RIN3: variants seen among roughly 807,000 people sequenced by gnomAD.
The protein encoded by RIN3 is RAB5 interacting protein 3.
In RIN3, 54 loss-of-function variants were observed where a neutral mutation model predicts 76.3. The observed-to-expected ratio is 0.71, with a 90% confidence interval of 0.57 to 0.89. The LOEUF is 0.89. Ranked by LOEUF, RIN3 falls within the 40% of genes least tolerant of loss-of-function variation. The probability of loss-of-function intolerance (pLI) is 0.00; values close to 1 mark genes in which losing one functional copy is unlikely to be tolerated. For synonymous variants in RIN3, 576 were observed against 564.0 expected (o/e 1.02, Z -0.30); for missense variants, 1,256 against 1,322.1 (o/e 0.95, Z 0.78).
At chr14:92,615,678 G>GC in intron 4 of RIN3, 199 bp downstream of exon 4, 1 of 579,708 alleles carries the variant, frequency 1.7e-6, no homozygotes, top group Non-Finnish European at 3.1e-6. Flanking sequence ...TCTGATAAGA[G>GC]CCCCTCCCTT....
intron 1 of RIN3, among the ~76,000 whole-genome samples, chr14:92,524,893 T>C (rs1896688452): frequency 6.6e-6 from 1 of 152,238 alleles, no homozygotes; most frequent in Non-Finnish European, 1.5e-5. Context: ...CACATCTGCC[T>C]TCACTAGCTG....
chr14:92,667,114 G>A (rs1888133015), intron 7 of RIN3, among the ~76,000 whole-genome samples: 1 of 152,222 alleles, frequency 6.6e-6, no homozygotes, highest in Admixed American at 6.5e-5. Context: ...GGGGGCTCTT[G>A]ATGGGGACCC....
intron 7 of RIN3, among the ~76,000 whole-genome samples, chr14:92,675,956 A>G (rs1294933806): frequency 6.6e-6 from 1 of 152,160 alleles, no homozygotes; most frequent in African/African-American, 2.4e-5. Flanking sequence ...TTACGTTTTA[A>G]AAGAAGGCCT....
At chr14:92,580,396 AT>A (rs1209521135) in intron 3 of RIN3, among the ~76,000 whole-genome samples, 1 of 152,206 alleles carries the variant, frequency 6.6e-6, no homozygotes, top group Non-Finnish European at 1.5e-5. Context: ...CAACCCACAC[AT>A]TCATGTGTTC....
At chr14:92,536,610 T>C (rs948187492) in intron 1 of RIN3, among the ~76,000 whole-genome samples, 2 of 151,876 alleles carry the variant, frequency 1.3e-5, no homozygotes, top group African/African-American at 4.8e-5. Flanking sequence ...GGCATGGTGG[T>C]GGGCGCCTGT....
intron 3 of RIN3, among the ~76,000 whole-genome samples, chr14:92,609,071 G>A (rs768676934): frequency 1.5e-4 from 23 of 151,984 alleles, no homozygotes; most frequent in Non-Finnish European, 2.4e-4. Context: ...CCCAAAGTCC[G>A]TTCTATCACT....
In RIN3 at chr14:92,556,053, A is replaced by G. The variant is rs1229101039; in HGVS notation, c.249+98A>G. On this transcript the variant is annotated intron_variant, in intron 2 of 9. Coordinates refer to ENST00000216487, the MANE Select transcript of RIN3 (RefSeq NM_024832.5). ...TGGCTCCCACAGGGAAGCAGCTACC[A>G]TGCAGATGACTGCATGTTTATTTCC... 2.5e-5 allele frequency: 24 copies of G among 969,916 alleles called. No homozygotes were observed. The South Asian group carries it at 3.2e-4, about 13-fold the overall frequency. The allele number at this position is 969,916 out of a possible 1,614,324, so 60.1% of individuals were successfully genotyped here. A position where few individuals can be genotyped will look rare whatever the true frequency, so the allele number is the denominator to read the frequency against.
chr14:92,523,692 A>G (rs142554785), intron 1 of RIN3, among the ~76,000 whole-genome samples: 1 of 152,312 alleles, frequency 6.6e-6, no homozygotes, highest in Non-Finnish European at 1.5e-5. Context: ...TATGAGTTTT[A>G]GATTTTGCCA....
intron 1 of RIN3, among the ~76,000 whole-genome samples, chr14:92,553,330 G>T (rs1004319513): frequency 1.3e-5 from 2 of 152,152 alleles, no homozygotes; most frequent in Non-Finnish European, 2.9e-5. Context: ...TTCCAAGTGG[G>T]GTTAGAGGAG....
rs1408313874 is a variant in RIN3 at position 92,678,134 on chromosome 14, C to T, written c.2467+1528C>T. ...CTCATCCACCCATCCACATATTCAC[C>T]CAGCCATCCACATAACCATCTACCC... On this transcript the variant is annotated intron_variant, in intron 8 of 9. Coordinates refer to ENST00000216487, the MANE Select transcript of RIN3 (RefSeq NM_024832.5). 6.6e-5 allele frequency among the ~76,000 whole-genome samples: 10 copies of T among 151,196 alleles called. No homozygotes were observed. In the East Asian group the frequency reaches 2.0e-3, roughly 30 times the overall value.
At chr14:92,644,912 T>C (rs1887145142) in intron 5 of RIN3, 1 of 152,244 alleles carries the variant, frequency 6.6e-6, no homozygotes, top group South Asian at 2.1e-4. Flanking sequence ...GTGCCTGGCA[T>C]GTCACACATT....
chr14:92,582,500 T>A (rs1277951255), intron 3 of RIN3, among the ~76,000 whole-genome samples: 1 of 140,438 alleles, frequency 7.1e-6, no homozygotes, highest in African/African-American at 2.6e-5. Flanking sequence ...CAGGCCGGAG[T>A]GCAGTGGTGT....
chr14:92,521,433 G>T (rs1269359752), intron 1 of RIN3, among the ~76,000 whole-genome samples: 1 of 152,162 alleles, frequency 6.6e-6, no homozygotes, highest in African/African-American at 2.4e-5. Flanking sequence ...TGGAGGTAGG[G>T]CCTGGTGGGA....
chr14:92,519,307 T>A (rs569526853), intron 1 of RIN3, among the ~76,000 whole-genome samples: 97 of 152,352 alleles, frequency 6.4e-4, no homozygotes, highest in African/African-American at 2.2e-3. Context: ...TGGTTTTATT[T>A]TGAAAAACCT....
intron 4 of RIN3, among the ~76,000 whole-genome samples, chr14:92,622,987 T>C (rs559825704): frequency 2.6e-5 from 4 of 152,352 alleles, no homozygotes; most frequent in Non-Finnish European, 5.9e-5. Context: ...TAGGGAAGGT[T>C]TTGTTACTAG....
chr14:92,654,655 C>A (rs76811041), intron 6 of RIN3, among the ~76,000 whole-genome samples: 1 of 152,132 alleles, frequency 6.6e-6, no homozygotes, highest in South Asian at 2.1e-4. Context: ...TTCATGATGG[C>A]GTTTCAGGTG....
intron 1 of RIN3, among the ~76,000 whole-genome samples, chr14:92,522,193 C>A (rs74072906): frequency 6.6e-6 from 1 of 152,038 alleles, no homozygotes; most frequent in Admixed American, 6.6e-5. Flanking sequence ...CACCTTCTTC[C>A]CCCTCCTCTG....
Position 92,643,431 on chromosome 14 carries a change from T to G in RIN3, c.532+2102T>G, listed in dbSNP as rs991920864. ...CTAAGGGCAAGTTTTCAGTTGCTTT[T>G]GGGAATCAACTTGCTATTAAACTTT... is the stretch of plus-strand genomic sequence containing the variant. On this transcript the variant is annotated intron_variant, in intron 5 of 9. Transcript: ENST00000216487. This position sits in a 1 kb window ranked among gnomAD's most constrained non-coding sequence, Gnocchi z 4.8. Among the ~76,000 whole-genome samples the G allele has an allele frequency of 2.0e-5, 3 of 152,230 alleles. No homozygotes were observed. Among genetic ancestry groups the G allele is most frequent in the East Asian group, 3.8e-4 (2 of 5,204 alleles).
At chr14:92,614,429 T>C (rs1261603990) in intron 3 of RIN3, among the ~76,000 whole-genome samples, 1 of 152,218 alleles carries the variant, frequency 6.6e-6, no homozygotes, top group African/African-American at 2.4e-5. Flanking sequence ...TGTTTAATTC[T>C]GCATTTACAG....
Sources: allele counts gnomAD v4.1 joint callset (sites outside exome capture counted in the v4.1 genomes callset), GRCh38; gene constraint gnomAD v4.1.1; non-coding constraint Gnocchi (gnomAD v3.1); transcripts MANE v1.5; gene names NCBI Gene and HGNC (gene_info 2026-07-23, HGNC 2026-07-21).